The following MICAL2 variants were observed in gnomAD, a reference collection of about 807,000 sequenced individuals.
The protein encoded by MICAL2 is microtubule associated monooxygenase, calponin and LIM domain containing 2, also known as [F-actin]-monooxygenase MICAL2.
MICAL2 carries 77 observed loss-of-function variants against 127.3 expected under a neutral mutation model. That is an observed-to-expected ratio of 0.60 (90% CI 0.50 to 0.73). The LOEUF is 0.73. Ranked by LOEUF, MICAL2 falls within the 30% of genes least tolerant of loss-of-function variation. The pLI is 0.00. For missense variants in MICAL2, 1,351 were observed against 1,434.4 expected, an observed-to-expected ratio of 0.94 and a Z score of 0.94; for synonymous variants, 570 against 551.1, an observed-to-expected ratio of 1.03 and a Z score of -0.48.
At chr11:12,121,027 G>A (rs1850464549) in intron 1 of MICAL2, among the ~76,000 whole-genome samples, 1 of 152,232 alleles carries the variant, frequency 6.6e-6, no homozygotes. Flanking sequence ...TTTGTGAAGG[G>A]AGTCTGCAAG....
chr11:12,218,388 C>T (rs1856437880), intron 8 of MICAL2, among the ~76,000 whole-genome samples: 2 of 152,184 alleles, frequency 1.3e-5, no homozygotes, highest in Non-Finnish European at 2.9e-5. Context: ...GACCCTCCAG[C>T]CACTAAGAGA....
chr11:12,161,869 T>C (rs1353077003), intron 2 of MICAL2: 3 of 460,332 alleles, frequency 6.5e-6, no homozygotes, highest in Non-Finnish European at 1.2e-5. Context: ...GAGCAGAGCA[T>C]AGGGGAAGAG....
chr11:12,314,521 C>A (rs192345854), intron 29 of MICAL2, among the ~76,000 whole-genome samples: 184 of 152,068 alleles, frequency 1.2e-3, no homozygotes, highest in African/African-American at 4.2e-3. Flanking sequence ...CTCTGTCACC[C>A]AGGCTGGAGT....
intron 1 of MICAL2, among the ~76,000 whole-genome samples, chr11:12,118,922 A>G (rs142032309): frequency 2.6e-5 from 4 of 152,236 alleles, no homozygotes; most frequent in Non-Finnish European, 5.9e-5. Flanking sequence ...AATGAATGAC[A>G]CTGGTATGGA....
intron 2 of MICAL2, among the ~76,000 whole-genome samples, chr11:12,158,151 G>A (rs895222905): frequency 6.6e-6 from 1 of 151,856 alleles, no homozygotes; most frequent in Non-Finnish European, 1.5e-5. Context: ...TGGATTTTGG[G>A]ATTTGGGATG....
intron 33 of MICAL2, among the ~76,000 whole-genome samples, chr11:12,354,414 G>T (rs1462791022): frequency 6.6e-6 from 1 of 151,696 alleles, no homozygotes; most frequent in East Asian, 1.9e-4. Context: ...GGAGGTTGCA[G>T]TGAGCCAATA....
chr11:12,328,832 C>T (rs1864382909), intron 32 of MICAL2, among the ~76,000 whole-genome samples: 1 of 152,118 alleles, frequency 6.6e-6, no homozygotes, highest in African/African-American at 2.4e-5. Context: ...CAGGTGCAGA[C>T]CCAGATTTCC....
At chr11:12,155,037 A>G (rs73414211) in intron 2 of MICAL2, among the ~76,000 whole-genome samples, 53 of 152,264 alleles carry the variant, frequency 3.5e-4, no homozygotes, top group African/African-American at 1.2e-3. Context: ...ATGAGACAGG[A>G]TGGTAAAGGC....
chr11:12,311,777 G>A (rs886164044), intron 29 of MICAL2, among the ~76,000 whole-genome samples: 1 of 152,186 alleles, frequency 6.6e-6, no homozygotes, highest in African/African-American at 2.4e-5. Context: ...ACTTGAGAGT[G>A]TCCTTTTTCT....
At chr11:12,279,629 A>C (rs1204721463) in intron 1 of MICAL2, among the ~76,000 whole-genome samples, 1 of 152,210 alleles carries the variant, frequency 6.6e-6, no homozygotes, top group Non-Finnish European at 1.5e-5. Context: ...GGTGGTCCTC[A>C]TTCAGGCAGG....
intron 15 of MICAL2, among the ~76,000 whole-genome samples, chr11:12,230,334 A>G (rs753179432): frequency 2.0e-5 from 3 of 152,154 alleles, no homozygotes; most frequent in South Asian, 4.1e-4. Flanking sequence ...ACAATTACAC[A>G]TCTGTACATA....
At chr11:12,263,460 C>T (rs1403958638) in intron 27 of MICAL2, 100 bp from the exon 28 acceptor site, 1 of 152,670 alleles carries the variant, frequency 6.6e-6, no homozygotes, top group Non-Finnish European at 1.5e-5. Flanking sequence ...ACCCTGACCC[C>T]CGGGCCTGCC....
chr11:12,165,848 G>T (rs985010278), intron 3 of MICAL2, among the ~76,000 whole-genome samples: 7 of 152,224 alleles, frequency 4.6e-5, no homozygotes, highest in Non-Finnish European at 8.8e-5. Context: ...AGTGGCTCAG[G>T]TGCCAGTTCC....
chr11:12,241,204 G>T (rs771596667), intron 18 of MICAL2, 42 bp downstream of exon 18: 2 of 1,591,812 alleles, frequency 1.3e-6, no homozygotes, highest in South Asian at 2.3e-5. Flanking sequence ...TGAAGCCAGA[G>T]GGGACTTTGA....
At chr11:12,269,183 A>G (rs1452748719) in intron 24 of MICAL2, among the ~76,000 whole-genome samples, 1 of 152,154 alleles carries the variant, frequency 6.6e-6, no homozygotes, top group East Asian at 1.9e-4. Flanking sequence ...TGCTCTGGCC[A>G]GGTTCTGAAC....
intron 32 of MICAL2, among the ~76,000 whole-genome samples, chr11:12,344,120 A>AC (rs1318297688): frequency 6.6e-6 from 1 of 152,058 alleles, no homozygotes; most frequent in Non-Finnish European, 1.5e-5. Context: ...ACATAGCGAA[A>AC]CCCCATCTCT....
At chr11:12,153,360 T>C (rs1477560806) in intron 2 of MICAL2, 1 of 152,212 alleles carries the variant, frequency 6.6e-6, no homozygotes, top group Non-Finnish European at 1.5e-5. Context: ...TTTTTAATTG[T>C]AAGATTTAAT....
At position 12,204,567 on chromosome 11, in the gene MICAL2, G is replaced by A. The variant is rs1854429900; in HGVS notation, c.472+110G>A. ...GCTTGTTCCATCTTAGTCCCTGGGG[G>A]CACCATATATCAGACTAACAGACAA... On this transcript the variant is annotated intron_variant, in intron 4 of 27. Coordinates refer to ENST00000683283, the MANE Select transcript of MICAL2 (RefSeq NM_001282663.2). The A allele has an allele frequency of 1.5e-5, 16 of 1,079,784 alleles. 1 individual carries two copies. In the South Asian group the frequency reaches 1.9e-4, roughly 13 times the overall value. 66.9% of individuals were successfully genotyped at this position (1,079,784 alleles called of 1,614,324 possible).
At chr11:12,360,484 A>G (rs1939190886), downstream of MICAL2, among the ~76,000 whole-genome samples, 1 of 152,204 alleles carries the variant, frequency 6.6e-6, no homozygotes, top group African/African-American at 2.4e-5. Flanking sequence ...AAAGATTTAT[A>G]ACTTCAGTTT....
Sources: allele counts gnomAD v4.1 joint callset (sites outside exome capture counted in the v4.1 genomes callset), GRCh38; gene constraint gnomAD v4.1.1; transcripts MANE v1.5; gene names NCBI Gene and HGNC (gene_info 2026-07-23, HGNC 2026-07-21).